The following PASD1 variants were observed in gnomAD, a reference collection of about 807,000 sequenced individuals.
PASD1 encodes PAS domain containing repressor 1, also known as circadian clock protein PASD1.
PASD1 carries 13 observed loss-of-function variants against 58.8 expected under a neutral mutation model. The ratio of observed to expected loss-of-function variants is 0.22; its 90% CI spans 0.14 to 0.35. The LOEUF (loss-of-function observed/expected upper bound fraction) is 0.35. Ranked by LOEUF, PASD1 falls within the 10% of genes least tolerant of loss-of-function variation. PASD1 has a pLI of 1.00. For synonymous variants in PASD1, 236 were observed against 216.7 expected (o/e 1.09, Z -0.78); for missense variants, 734 against 568.3 (o/e 1.29, Z -2.96).
chrX:151,671,860 G>C, intron 13 of PASD1, 81 bp downstream of exon 13: 1 of 1,014,402 alleles, frequency 9.9e-7, no homozygotes, highest in African/African-American at 1.9e-5. Context: ...GTTCTCCTTA[G>C]GGGGTAGTGA....
intron 3 of PASD1, 63 bp downstream of exon 3, chrX:151,604,797 A>C: frequency 1.1e-6 from 1 of 900,039 alleles, no homozygotes; most frequent in Admixed American, 2.5e-5. Context: ...AAGACAAAGA[A>C]TAGTGTTTGT....
intron 1 of PASD1, among the ~76,000 whole-genome samples, chrX:151,586,949 A>AC (rs2013173701): frequency 9.0e-6 from 1 of 111,612 alleles, no homozygotes; most frequent in African/African-American, 3.3e-5. Context: ...TGGCAGGAAC[A>AC]CAGAAGGGTT....
rs760848167 is a variant in PASD1 at position 151,602,422 on chromosome X, C to T, written c.28+841C>T. Among the ~76,000 whole-genome samples, 3 of 111,328 alleles carry T rather than the reference C, an allele frequency of 2.7e-5. No homozygotes were observed. In the East Asian group the frequency reaches 8.5e-4, roughly 32 times the overall value. ...TTAAAAGCACTTCATGGGCTGGGCA[C>T]GCTGGCTCACACCTGTCATCTTGGC... On this transcript the variant is annotated intron_variant, in intron 2 of 15. Coordinates refer to ENST00000370357, the MANE Select transcript of PASD1 (RefSeq NM_173493.3).
intron 1 of PASD1, among the ~76,000 whole-genome samples, chrX:151,591,606 A>G (rs1296343660): frequency 3.6e-5 from 4 of 111,788 alleles, no homozygotes; most frequent in Admixed American, 2.9e-4. Context: ...ATTCTTTTTC[A>G]ATCTTTCCAT....
intron 1 of PASD1, among the ~76,000 whole-genome samples, chrX:151,583,872 C>T (rs5924961): frequency 0.45 from 49,750 of 110,422 alleles, 9,467 homozygotes; most frequent in East Asian, 0.94. Flanking sequence ...AGAATTCAGG[C>T]TAAGTCTAAG....
At chrX:151,659,892 AG>A in intron 10 of PASD1, 56 bp downstream of exon 10, 1 of 1,115,583 alleles carries the variant, frequency 9.0e-7, no homozygotes, top group Non-Finnish European at 1.2e-6. Context: ...AGTGACCCCC[AG>A]GGTAGTTACA....
At chrX:151,617,210 G>A (rs1033871389) in intron 4 of PASD1, among the ~76,000 whole-genome samples, 1 of 111,509 alleles carries the variant, frequency 9.0e-6, no homozygotes, top group Non-Finnish European at 1.9e-5. Context: ...AAGAGCAAAT[G>A]CTAAAAATTT....
chrX:151,634,421 T>G (rs2013904599), intron 8 of PASD1, among the ~76,000 whole-genome samples: 1 of 111,719 alleles, frequency 9.0e-6, no homozygotes, highest in African/African-American at 3.2e-5. Context: ...TATCAGGAAT[T>G]TTGGTATCTG....
intron 4 of PASD1, among the ~76,000 whole-genome samples, chrX:151,612,333 GTAATGGGATGGC>G (rs1334456997): frequency 3.7e-5 from 4 of 106,844 alleles, no homozygotes; most frequent in African/African-American, 1.0e-4. Context: ...TATATACCCA[GTAATGGGATGGC>G]TGGGTCAAAT....
Position 151,672,649 on chromosome X carries a change from A to T in PASD1, c.1904A>T (p.Asp635Val). ...YQDENCGQQE[D>V]ESQSFYPEAY... ...GATGAAAACTGTGGGCAACAGGAAG[A>T]TGAGAGTCAAAGGTAAGACATGCAT... The change falls in exon 14 of 16, where the codon GAT becomes GTT. Residue 635 changes from aspartate (D) to valine (V), a missense_variant. Coordinates refer to ENST00000370357, the MANE Select transcript of PASD1 (RefSeq NM_173493.3). The T allele has an allele frequency of 8.3e-7, 1 of 1,211,579 alleles. No homozygotes were observed. Among genetic ancestry groups the T allele is most frequent in the African/African-American group, 1.7e-5 (1 of 57,857 alleles).
chrX:151,583,550 A>G (rs2013126013), intron 1 of PASD1, among the ~76,000 whole-genome samples: 2 of 112,198 alleles, frequency 1.8e-5, no homozygotes, highest in South Asian at 7.5e-4. Context: ...GAAGAATGAT[A>G]GTAACATACT....
At chrX:151,584,728 A>T (rs1366376998) in intron 1 of PASD1, among the ~76,000 whole-genome samples, 1 of 112,008 alleles carries the variant, frequency 8.9e-6, no homozygotes, top group African/African-American at 3.2e-5. Context: ...GGGTTGGTAA[A>T]CTTCACACAG....
intron 8 of PASD1, among the ~76,000 whole-genome samples, chrX:151,646,221 G>A (rs897304903): frequency 1.8e-5 from 2 of 111,936 alleles, no homozygotes; most frequent in African/African-American, 3.2e-5. Flanking sequence ...ATTTATACTG[G>A]CTTATGGAGA....
rs184613428 is a variant in PASD1, at chrX:151,647,035, G to A, written c.630-1580G>A. On this transcript the variant is annotated intron_variant, in intron 8 of 15. Coordinates refer to ENST00000370357, the MANE Select transcript of PASD1 (RefSeq NM_173493.3). ...GAGTGACTGGGTGGAAGGTGGCACT[G>A]TTCACCAAGTAGGAGACACTGGAGT... Among the ~76,000 whole-genome samples, 7 of 112,182 alleles carry A rather than the reference G, an allele frequency of 6.2e-5. No individual in the cohort carries two copies. In the East Asian group the frequency reaches 2.0e-3, roughly 31 times the overall value.
intron 1 of PASD1, among the ~76,000 whole-genome samples, chrX:151,568,417 T>C (rs1431885627): frequency 3.6e-5 from 4 of 111,827 alleles, no homozygotes; most frequent in Non-Finnish European, 7.5e-5. Flanking sequence ...ATACAAGTTA[T>C]ACCTTTGGGA....
Position 151,669,160 on chromosome X carries a change from T to C in PASD1, c.1072-1878T>C, listed in dbSNP as rs925337888. Among the ~76,000 whole-genome samples, 5 of 80,059 alleles carry C rather than the reference T, an allele frequency of 6.2e-5. No homozygotes were observed. In the Admixed American group the frequency reaches 6.7e-4, roughly 11 times the overall value. The allele number at this position is 80,059 out of a possible 115,157, so 69.5% of individuals were successfully genotyped here. On this transcript the variant is annotated intron_variant, in intron 11 of 15. Coordinates refer to ENST00000370357, the MANE Select transcript of PASD1 (RefSeq NM_173493.3). ...ATATTGCAGTTGTACATATTATATA[T>C]ACTATATGTGTGTGTGTATATATAT...
intron 4 of PASD1, among the ~76,000 whole-genome samples, chrX:151,618,891 C>A (rs1166570383): frequency 9.0e-6 from 1 of 110,934 alleles, no homozygotes; most frequent in Non-Finnish European, 1.9e-5. Flanking sequence ...AGCAAGGAAC[C>A]AGAATATAGA....
At chrX:151,601,489 T>C (rs759444019) in intron 1 of PASD1, 38 bp from the exon 2 acceptor site, 4 of 1,062,809 alleles carry the variant, frequency 3.8e-6, no homozygotes, top group East Asian at 3.0e-5. Flanking sequence ...CACCATAGAC[T>C]GATCTCTTAG....
At chrX:151,599,858 G>A (rs1368221606) in intron 1 of PASD1, among the ~76,000 whole-genome samples, 3 of 111,554 alleles carry the variant, frequency 2.7e-5, no homozygotes, top group African/African-American at 9.8e-5. Context: ...CTTCCTAGAC[G>A]GGGTGGCGGC....
Sources: gnomAD v4.1 joint callset for allele counts (sites outside exome capture counted in the v4.1 genomes callset) on GRCh38, gnomAD v4.1.1 for gene constraint, MANE v1.5 for transcripts, NCBI Gene and HGNC (gene_info 2026-07-23, HGNC 2026-07-21) for gene names.